The following CNTNAP3B variants were observed in gnomAD, a reference collection of about 807,000 sequenced individuals.
The protein encoded by CNTNAP3B is contactin-associated protein-like 3B.
CNTNAP3B carries 25 observed loss-of-function variants against 108.9 expected under a neutral mutation model. The observed-to-expected ratio is 0.23, with a 90% confidence interval of 0.17 to 0.32. The LOEUF (loss-of-function observed/expected upper bound fraction) is 0.32. CNTNAP3B is among the 10% of genes least tolerant of loss of function. The pLI is 1.00. For synonymous variants in CNTNAP3B, 103 were observed against 473.4 expected, an observed-to-expected ratio of 0.22 and a Z score of 10.16; for missense variants, 252 against 1,210.4, an observed-to-expected ratio of 0.21 and a Z score of 11.75.
At chr9:42,085,889 C>T (rs1374752425) in intron 2 of CNTNAP3B, among the ~76,000 whole-genome samples, 1 of 144,862 alleles carries the variant, frequency 6.9e-6, no homozygotes, top group East Asian at 2.0e-4. Context: ...CTATCAGTAG[C>T]TTTAATTTTA....
At chr9:42,114,816 G>C (rs1190299314) in intron 1 of CNTNAP3B, among the ~76,000 whole-genome samples, 3 of 138,206 alleles carry the variant, frequency 2.2e-5, no homozygotes. Context: ...ACTGGGCGCA[G>C]TGGTCAAGAT....
chr9:42,098,860 G>C (rs1446373232), intron 2 of CNTNAP3B, among the ~76,000 whole-genome samples: 1 of 130,894 alleles, frequency 7.6e-6, no homozygotes, highest in East Asian at 2.5e-4. Flanking sequence ...GCTGTGTGCT[G>C]TGCTATAAGA....
chr9:42,121,276 G>A lies in CNTNAP3B; in HGVS notation c.85+7734C>T, dbSNP rs1389619218. 3.6e-5 allele frequency among the ~76,000 whole-genome samples: 5 copies of A among 138,616 alleles called. 1 individual carries two copies. In the East Asian group the frequency reaches 1.1e-3, roughly 30 times the overall value. The allele number at this position is 138,616 out of a possible 152,430, so 90.9% of individuals were successfully genotyped here. ...GACCAGCTCAATGACACCCCCTTTT[G>A]GTGGATTTTTCTTCTCTATTCCATT... On this transcript the variant is annotated intron_variant, in intron 1 of 23. Coordinates refer to ENST00000377561, the MANE Select transcript of CNTNAP3B (RefSeq NM_001201380.3).
At position 41,997,549 on chromosome 9, in the gene CNTNAP3B, A is replaced by T. The variant is rs1825923447; in HGVS notation, c.927+19T>A. The T allele has an allele frequency of 6.3e-7, 1 of 1,595,244 alleles. No homozygotes were observed. The highest frequency in any genetic ancestry group is 8.5e-7 in the Non-Finnish European group (1 of 1,170,424). ...ATTTTTCAGGTTATATTTAATTTAA[A>T]CTATATATCTATAATAACCTCAAAA... is the stretch of plus-strand genomic sequence containing the variant. On this transcript the variant is annotated intron_variant, in intron 6 of 23. Coordinates refer to ENST00000377561, the MANE Select transcript of CNTNAP3B (RefSeq NM_001201380.3).
intron 13 of CNTNAP3B, among the ~76,000 whole-genome samples, chr9:41,945,261 A>G (rs1264093474): frequency 1.3e-5 from 2 of 152,294 alleles, no homozygotes; most frequent in African/African-American, 2.4e-5. Context: ...CCATCCCATT[A>G]CTGGGTATAT....
At chr9:41,930,027 A>T (rs1484575786) in intron 14 of CNTNAP3B, among the ~76,000 whole-genome samples, 1 of 152,286 alleles carries the variant, frequency 6.6e-6, no homozygotes, top group African/African-American at 2.4e-5. Flanking sequence ...TTACAAATAA[A>T]AATAGTAACA....
intron 11 of CNTNAP3B, among the ~76,000 whole-genome samples, chr9:41,963,416 T>A (rs1315764930): frequency 6.6e-6 from 1 of 151,164 alleles, no homozygotes; most frequent in Non-Finnish European, 1.5e-5. Flanking sequence ...TTCTGTGATG[T>A]TCTAATTATA....
At chr9:42,066,421 ATCT>A (rs1237797561) in intron 3 of CNTNAP3B, among the ~76,000 whole-genome samples, 2 of 58,610 alleles carry the variant, frequency 3.4e-5, no homozygotes, top group Admixed American at 2.6e-4. Flanking sequence ...GAGCTGTTGA[ATCT>A]TTTTTTTTTT....
rs1000281768 is a variant in CNTNAP3B at position 42,116,301 on chromosome 9, C to A, written c.86-11562G>T. On this transcript the variant is annotated intron_variant, in intron 1 of 23. Transcript: ENST00000377561. The stretch of plus-strand genomic sequence containing the variant: ...AGGTCGGGTTACTCACAAAGGGAAG[C>A]CCATCAGACTAACAGCGGATCTCTC... Among the ~76,000 whole-genome samples the A allele has an allele frequency of 2.3e-5, 3 of 131,874 alleles. 1 individual carries two copies. The highest frequency in any genetic ancestry group is 9.3e-5 in the African/African-American group (3 of 32,188). 86.5% of individuals were successfully genotyped at this position (131,874 alleles called of 152,430 possible).
intron 14 of CNTNAP3B, among the ~76,000 whole-genome samples, chr9:41,932,493 G>C (rs1824006759): frequency 7.2e-6 from 1 of 138,968 alleles, no homozygotes; most frequent in Non-Finnish European, 1.6e-5. Flanking sequence ...GAGAAATGTT[G>C]AGTCAACTTT....
rs1827718145 is a variant in CNTNAP3B at position 42,087,055 on chromosome 9, T to C, written c.197-9993A>G. On this transcript the variant is annotated intron_variant, in intron 2 of 23. Transcript: ENST00000377561. ...ACCTTTCGTAAGATCTACATTTAAG[T>C]ATTTTATTTTTTAATGCTATTGTGA... 2.1e-5 allele frequency among the ~76,000 whole-genome samples: 3 copies of C among 139,628 alleles called. 1 individual carries two copies. The allele number at this position is 139,628 out of a possible 152,430, so 91.6% of individuals were successfully genotyped here.
At chr9:41,954,617 A>G (rs1252699899) in intron 12 of CNTNAP3B, among the ~76,000 whole-genome samples, 1 of 152,280 alleles carries the variant, frequency 6.6e-6, no homozygotes, top group Non-Finnish European at 1.5e-5. Flanking sequence ...AAGTGTGCCT[A>G]TGGTAATTTC....
At chr9:42,029,200 T>C (rs1466391624) in intron 3 of CNTNAP3B, among the ~76,000 whole-genome samples, 1 of 119,492 alleles carries the variant, frequency 8.4e-6, no homozygotes, top group African/African-American at 3.3e-5. Context: ...GGAGGTCAAT[T>C]CCCTGAAAGA....
At chr9:41,961,964 G>T (rs1472751611) in intron 11 of CNTNAP3B, among the ~76,000 whole-genome samples, 1 of 152,288 alleles carries the variant, frequency 6.6e-6, no homozygotes, top group Non-Finnish European at 1.5e-5. Context: ...TGTCTGGTAG[G>T]ATTCACTCAA....
intron 11 of CNTNAP3B, among the ~76,000 whole-genome samples, chr9:41,961,624 C>A (rs1258409616): frequency 3.3e-5 from 5 of 152,236 alleles, no homozygotes; most frequent in Admixed American, 3.3e-4. Context: ...TATGAATGAG[C>A]ATTTTAAAGA....
chr9:41,955,184 G>A (rs1824817594), intron 12 of CNTNAP3B, among the ~76,000 whole-genome samples: 1 of 146,742 alleles, frequency 6.8e-6, no homozygotes, highest in South Asian at 2.2e-4. Context: ...ATGGTCCGGA[G>A]TAGTTCACAT....
At chr9:41,933,854 TGAC>T (rs1302369033) in intron 14 of CNTNAP3B, among the ~76,000 whole-genome samples, 1 of 152,232 alleles carries the variant, frequency 6.6e-6, no homozygotes, top group Non-Finnish European at 1.5e-5. Flanking sequence ...GTTTCCATCA[TGAC>T]AATTCCGTAA....
rs1335622865 is a variant in CNTNAP3B at position 41,953,509 on chromosome 9, G to A, written c.1877-123C>T. The A allele has an allele frequency of 5.4e-6, 6 of 1,105,498 alleles. No individual in the cohort carries two copies. In the Admixed American group the frequency reaches 1.1e-4, roughly 20 times the overall value. The allele number at this position is 1,105,498 out of a possible 1,614,324, so 68.5% of individuals were successfully genotyped here. On this transcript the variant is annotated intron_variant, in intron 12 of 23. Transcript: ENST00000377561. ...ATTTACATTACTGCATGTTTGCCGC[G>A]ATTTGAGGAGTTGGACCTGTGTAAC...
At position 42,021,979 on chromosome 9, in the gene CNTNAP3B, G is replaced by A. The variant is rs1220959827; in HGVS notation, c.391-8454C>T. Among the ~76,000 whole-genome samples, 3 of 116,082 alleles carry A rather than the reference G, an allele frequency of 2.6e-5. 1 individual carries two copies. Among genetic ancestry groups the A allele is most frequent in the Admixed American group, 8.9e-5 (1 of 11,206 alleles). 76.2% of individuals were successfully genotyped at this position (116,082 alleles called of 152,430 possible). On this transcript the variant is annotated intron_variant, in intron 3 of 23. Transcript: ENST00000377561. ...ATTCCTGGGCTTAGGCAAGCCAACC[G>A]TGAGAGACATCTAGTTTATAGTTTA... is the stretch of plus-strand genomic sequence containing the variant.
Sources: gnomAD v4.1 joint callset for allele counts (sites outside exome capture counted in the v4.1 genomes callset) on GRCh38, gnomAD v4.1.1 for gene constraint, MANE v1.5 for transcripts, NCBI Gene and HGNC (gene_info 2026-07-23, HGNC 2026-07-21) for gene names.